DCC: variants seen among roughly 807,000 people sequenced by gnomAD.
The protein encoded by DCC is DCC netrin 1 receptor.
DCC carries 58 observed loss-of-function variants against 172.5 expected under a neutral mutation model. That is an observed-to-expected ratio of 0.34 (90% CI 0.27 to 0.42). The LOEUF (loss-of-function observed/expected upper bound fraction) is 0.42, where lower values mean the gene tolerates loss of function less well. Among genes scored for constraint, DCC ranks in the 10% least tolerant of loss-of-function variants. The pLI, the probability that DCC is intolerant of heterozygous loss-of-function variation, is 1.00. For missense variants in DCC, 1,740 were observed against 1,791.0 expected, an observed-to-expected ratio of 0.97 and a Z score of 0.51; for synonymous variants, 709 against 644.5, an observed-to-expected ratio of 1.10 and a Z score of -1.52.
intron 3 of DCC, among the ~76,000 whole-genome samples, chr18:52,914,863 C>T (rs990416697): frequency 3.3e-5 from 5 of 152,070 alleles, no homozygotes; most frequent in African/African-American, 4.8e-5. Flanking sequence ...TAATTTGTAA[C>T]TCTTATGCCT....
At chr18:53,474,755 G>T (rs534394805) in intron 25 of DCC, among the ~76,000 whole-genome samples, 2 of 152,292 alleles carry the variant, frequency 1.3e-5, no homozygotes, top group Non-Finnish European at 2.9e-5. Context: ...ATAGTAATTT[G>T]TTCTGGGAGT....
At chr18:52,689,624 G>A (rs1358491008) in intron 1 of DCC, among the ~76,000 whole-genome samples, 1 of 152,098 alleles carries the variant, frequency 6.6e-6, no homozygotes, top group Non-Finnish European at 1.5e-5. Flanking sequence ...TAGCTCCTCA[G>A]TATATAAAGG....
intron 1 of DCC, among the ~76,000 whole-genome samples, chr18:52,700,618 TG>T (rs1310788301): frequency 1.3e-5 from 2 of 152,258 alleles, no homozygotes; most frequent in Non-Finnish European, 2.9e-5. Context: ...AGACATATTT[TG>T]TCCCTGAGCA....
chr18:52,392,761 C>G (rs1432585526), intron 1 of DCC, among the ~76,000 whole-genome samples: 1 of 151,968 alleles, frequency 6.6e-6, no homozygotes, highest in Non-Finnish European at 1.5e-5. Flanking sequence ...CAGTGAAGTT[C>G]ATTTTGGTTT....
chr18:53,381,571 A>T (rs111848009), intron 15 of DCC, among the ~76,000 whole-genome samples: 2 of 75,846 alleles, frequency 2.6e-5, no homozygotes, highest in Non-Finnish European at 5.2e-5. Flanking sequence ...CCCCCCCCCC[A>T]CCACCACCTT....
chr18:52,973,994 G>A (rs2041071779), intron 5 of DCC, among the ~76,000 whole-genome samples: 1 of 151,946 alleles, frequency 6.6e-6, no homozygotes, highest in African/African-American at 2.4e-5. Flanking sequence ...AATAACAGAT[G>A]ACCCTTTATA....
At chr18:53,401,765 T>C (rs151033842) in intron 18 of DCC, among the ~76,000 whole-genome samples, 81 of 152,260 alleles carry the variant, frequency 5.3e-4, no homozygotes, top group African/African-American at 1.9e-3. Context: ...ACTTGTGGCA[T>C]TGTGAGCTAC....
intron 2 of DCC, among the ~76,000 whole-genome samples, chr18:52,784,339 A>G (rs2037611746): frequency 6.6e-6 from 1 of 152,036 alleles, no homozygotes; most frequent in South Asian, 2.1e-4. Context: ...TTAGATTCCT[A>G]TCTTGGCTAT....
chr18:53,057,302 GA>G (rs1388697651), intron 5 of DCC, among the ~76,000 whole-genome samples: 1 of 151,912 alleles, frequency 6.6e-6, no homozygotes, highest in Non-Finnish European at 1.5e-5. Flanking sequence ...TAAATTTAAA[GA>G]AAACTTTTAC....
chr18:53,443,650 C>T (rs1912416400), intron 22 of DCC, among the ~76,000 whole-genome samples: 1 of 152,150 alleles, frequency 6.6e-6, no homozygotes, highest in African/African-American at 2.4e-5. Flanking sequence ...GTGTGATTTC[C>T]TCTGATGGAT....
rs550981824 is a variant in DCC, at chr18:52,977,918, A to G, written c.985+52548A>G. On this transcript the variant is annotated intron_variant, in intron 5 of 28. Coordinates refer to ENST00000442544, the MANE Select transcript of DCC (RefSeq NM_005215.4). Reference sequence around the variant, plus strand: ...AAAGAAAAGAAAAAAGAAAAAGAAAAAAAAAGCATATCTGCTTGGCTCTAA... The same window carrying G: ...AAAGAAAAGAAAAAAGAAAAAGAAAGAAAAAGCATATCTGCTTGGCTCTAA... Among the ~76,000 whole-genome samples, 4 of 151,924 alleles carry G rather than the reference A, an allele frequency of 2.6e-5. No individual in the cohort carries two copies. The South Asian group carries it at 8.4e-4, about 32-fold the overall frequency.
chr18:52,915,558 A>G (rs903203208), intron 3 of DCC, among the ~76,000 whole-genome samples: 1 of 152,136 alleles, frequency 6.6e-6, no homozygotes, highest in Non-Finnish European at 1.5e-5. Flanking sequence ...TCTTTAGGGC[A>G]TGGGGCCTGA....
At chr18:53,439,769 C>CTTTCTTTTT in intron 22 of DCC, among the ~76,000 whole-genome samples, 1 of 127,250 alleles carries the variant, frequency 7.9e-6, no homozygotes, top group Non-Finnish European at 1.7e-5. Context: ...TAGTATTTTT[C>CTTTCTTTTT]TTTTTTTTTT....
intron 12 of DCC, among the ~76,000 whole-genome samples, chr18:53,268,627 G>A (rs971647030): frequency 6.6e-6 from 1 of 151,900 alleles, no homozygotes; most frequent in African/African-American, 2.4e-5. Context: ...AAAAAAAATG[G>A]CGAGATTCAT....
At chr18:52,419,784 A>T (rs922618883) in intron 1 of DCC, 1 of 152,178 alleles carries the variant, frequency 6.6e-6, no homozygotes, top group Non-Finnish European at 1.5e-5. Context: ...TTCTTATTAA[A>T]ACCCATTTTT....
At chr18:52,903,154 A>G (rs1374099686) in intron 2 of DCC, among the ~76,000 whole-genome samples, 4 of 152,188 alleles carry the variant, frequency 2.6e-5, no homozygotes, top group African/African-American at 9.7e-5. Context: ...TTGCAAATAC[A>G]TTTTTGAATG....
intron 7 of DCC, among the ~76,000 whole-genome samples, chr18:53,099,269 G>A (rs2043129121): frequency 6.6e-6 from 1 of 151,830 alleles, no homozygotes; most frequent in Non-Finnish European, 1.5e-5. Context: ...TATTCATGTG[G>A]ACTCATGATC....
intron 1 of DCC, among the ~76,000 whole-genome samples, chr18:52,469,631 G>T (rs912582484): frequency 6.6e-6 from 1 of 152,050 alleles, no homozygotes; most frequent in African/African-American, 2.4e-5. Context: ...AGCTTTAATT[G>T]GGTGCCCACC....
At chr18:52,356,192 T>C (rs1984355985) in intron 1 of DCC, among the ~76,000 whole-genome samples, 1 of 152,142 alleles carries the variant, frequency 6.6e-6, no homozygotes, top group Non-Finnish European at 1.5e-5. Context: ...CTTTTTATAA[T>C]AGTTTTAAGG....
Sources: gnomAD v4.1 joint callset for allele counts (sites outside exome capture counted in the v4.1 genomes callset) on GRCh38, gnomAD v4.1.1 for gene constraint, MANE v1.5 for transcripts, NCBI Gene and HGNC (gene_info 2026-07-23, HGNC 2026-07-21) for gene names.